The following ATP6V1H variants were observed in gnomAD, a reference collection of about 807,000 sequenced individuals.
ATP6V1H encodes ATPase H+ transporting V1 subunit H.
ATP6V1H carries 39 observed loss-of-function variants against 71.7 expected under a neutral mutation model. That is an observed-to-expected ratio of 0.54 (90% confidence interval 0.42 to 0.71). The LOEUF (loss-of-function observed/expected upper bound fraction) is 0.71, where lower values mean the gene tolerates loss of function less well. ATP6V1H is among the 30% of genes least tolerant of loss of function. The pLI is 0.00. For missense variants in ATP6V1H, 509 were observed against 594.9 expected, an observed-to-expected ratio of 0.86 and a Z score of 1.50; for synonymous variants, 192 against 199.3, an observed-to-expected ratio of 0.96 and a Z score of 0.31.
intron 13 of ATP6V1H, among the ~76,000 whole-genome samples, chr8:53,719,865 C>T (rs1244773988): frequency 6.6e-6 from 1 of 152,172 alleles, no homozygotes; most frequent in Non-Finnish European, 1.5e-5. Flanking sequence ...AGTAAGAGCT[C>T]AGAAAGGTGC....
Position 53,730,800 on chromosome 8 carries a change from T to C in ATP6V1H, c.1391+12777A>G, listed in dbSNP as rs560435267. Among the ~76,000 whole-genome samples, 10 of 152,276 alleles carry C rather than the reference T, an allele frequency of 6.6e-5. No homozygotes were observed. The South Asian group carries it at 8.3e-4, about 13-fold the overall frequency. ...AACAAAGACTCATGAGAACATTTTT[T>C]CTTTCCACTCTTCCCTTTTCCACCT... is the stretch of plus-strand genomic sequence containing the variant. On this transcript the variant is annotated intron_variant, in intron 13 of 13. Transcript: ENST00000359530.
At chr8:53,756,095 C>G (rs1450814335) in intron 12 of ATP6V1H, among the ~76,000 whole-genome samples, 15 of 88,000 alleles carry the variant, frequency 1.7e-4, no homozygotes, top group Middle Eastern at 0.011. Flanking sequence ...TTTTGAGACA[C>G]AATCTTGCTC....
At chr8:53,839,805 G>A (rs1483524809) in intron 2 of ATP6V1H, 4 of 985,284 alleles carry the variant, frequency 4.1e-6, no homozygotes, top group Non-Finnish European at 4.8e-6. Flanking sequence ...TGTTTTACAT[G>A]CTAACTTCAT....
rs569258215 is a variant in ATP6V1H, at chr8:53,837,002, G to A, written c.114-3916C>T. 2.5e-3 allele frequency among the ~76,000 whole-genome samples: 378 copies of A among 152,136 alleles called. 2 individuals carry two copies. Among genetic ancestry groups the A allele is most frequent in the African/African-American group, 8.7e-3 (360 of 41,500 alleles). The stretch of plus-strand genomic sequence containing the variant: ...CTAAAAATACAAAAATTAGCCAGGC[G>A]AGGTGGCAGGTGCCTGTAATCCCAG... On this transcript the variant is annotated intron_variant, in intron 2 of 13. Transcript: ENST00000359530.
intron 13 of ATP6V1H, among the ~76,000 whole-genome samples, chr8:53,721,487 A>C (rs1199457213): frequency 6.6e-6 from 1 of 152,216 alleles, no homozygotes; most frequent in Non-Finnish European, 1.5e-5. Context: ...GCTAGTTACT[A>C]AGCACTGCAC....
At chr8:53,719,083 C>G in intron 13 of ATP6V1H, among the ~76,000 whole-genome samples, 1 of 152,182 alleles carries the variant, frequency 6.6e-6, no homozygotes, top group Admixed American at 6.5e-5. Context: ...TGAACTGTGG[C>G]TCCACTGAAA....
chr8:53,772,768 A>T (rs1288532329), intron 9 of ATP6V1H, among the ~76,000 whole-genome samples: 2 of 152,192 alleles, frequency 1.3e-5, no homozygotes, highest in South Asian at 2.1e-4. Context: ...ATTTATAACA[A>T]TAAGCTGTCA....
intron 5 of ATP6V1H, among the ~76,000 whole-genome samples, chr8:53,816,910 G>A (rs886087642): frequency 4.6e-5 from 7 of 152,136 alleles, no homozygotes; most frequent in Admixed American, 3.9e-4. Context: ...ATAGTAAAAT[G>A]TAGTTAACCC....
At chr8:53,751,592 A>T (rs1378495817) in intron 12 of ATP6V1H, among the ~76,000 whole-genome samples, 1 of 152,224 alleles carries the variant, frequency 6.6e-6, no homozygotes, top group African/African-American at 2.4e-5. Context: ...TACTGAGGTA[A>T]TAGAAAATGG....
chr8:53,769,015 G>A (rs543744982), intron 11 of ATP6V1H, among the ~76,000 whole-genome samples: 14 of 152,224 alleles, frequency 9.2e-5, no homozygotes, highest in African/African-American at 3.4e-4. Context: ...TGGTGGAAGT[G>A]TTTTCAATAA....
At chr8:53,798,150 T>G (rs747874837) in intron 8 of ATP6V1H, among the ~76,000 whole-genome samples, 1 of 152,246 alleles carries the variant, frequency 6.6e-6, no homozygotes, top group Non-Finnish European at 1.5e-5. Context: ...AACAGTGTTG[T>G]ATTATGTATA....
chr8:53,778,278 T>A (rs1268981304), intron 9 of ATP6V1H, among the ~76,000 whole-genome samples: 1 of 152,198 alleles, frequency 6.6e-6, no homozygotes, highest in Admixed American at 6.5e-5. Flanking sequence ...TCTATAATTA[T>A]CAAATCAAGG....
chr8:53,783,425 T>TC (rs1809243943), intron 9 of ATP6V1H, among the ~76,000 whole-genome samples: 1 of 152,234 alleles, frequency 6.6e-6, no homozygotes, highest in African/African-American at 2.4e-5. Context: ...TATTTGATTC[T>TC]TCTCTCTTTT....
intron 7 of ATP6V1H, among the ~76,000 whole-genome samples, chr8:53,804,231 T>C (rs1487425898): frequency 6.6e-6 from 1 of 152,168 alleles, no homozygotes. Context: ...CAAAGTAGAG[T>C]GCATTACTTC....
At chr8:53,755,716 A>T (rs1429040202) in intron 12 of ATP6V1H, among the ~76,000 whole-genome samples, 5 of 4,496 alleles carry the variant, frequency 1.1e-3, no homozygotes, top group African/African-American at 2.7e-3. Flanking sequence ...ATATATATAT[A>T]TATATATATA....
chr8:53,795,962 C>T, intron 8 of ATP6V1H, 123 bp from the exon 9 acceptor site: 1 of 842,524 alleles, frequency 1.2e-6, no homozygotes. Context: ...TTCTTTTCTG[C>T]CAGCAATAAC....
chr8:53,794,662 A>C (rs1484727569), intron 9 of ATP6V1H, among the ~76,000 whole-genome samples: 2 of 152,182 alleles, frequency 1.3e-5, no homozygotes, highest in African/African-American at 2.4e-5. Flanking sequence ...CACCACACCC[A>C]GCCCCACTTT....
chr8:53,783,286 T>A (rs1472550011), intron 9 of ATP6V1H, among the ~76,000 whole-genome samples: 2 of 152,108 alleles, frequency 1.3e-5, no homozygotes, highest in Non-Finnish European at 2.9e-5. Context: ...TGTATGTGTC[T>A]AGGAATTTAA....
chr8:53,829,603 A>C (rs1810938754), intron 3 of ATP6V1H, 70 bp from the exon 4 acceptor site: 4 of 928,374 alleles, frequency 4.3e-6, no homozygotes, highest in Admixed American at 2.5e-5. Context: ...CTTCAGTAAA[A>C]CATTGTCTCT....
Sources: gnomAD v4.1 joint callset for allele counts (sites outside exome capture counted in the v4.1 genomes callset) on GRCh38, gnomAD v4.1.1 for gene constraint, MANE v1.5 for transcripts, NCBI Gene and HGNC (gene_info 2026-07-23, HGNC 2026-07-21) for gene names.